Variants in NRIP3 observed in about 807,000 individuals in gnomAD.
NRIP3 encodes nuclear receptor-interacting protein 3.
Under a neutral mutation model 29.0 loss-of-function variants are expected in NRIP3, and 31 were observed. The observed-to-expected ratio is 1.07, with a 90% CI of 0.80 to 1.44. The LOEUF is 1.44. Ranked by LOEUF, NRIP3 falls within the 40% of genes most tolerant of loss-of-function variation. The probability of loss-of-function intolerance (pLI) is 0.00; values close to 1 mark genes in which losing one functional copy is unlikely to be tolerated. For synonymous variants in NRIP3, 131 were observed against 118.3 expected (o/e 1.11, Z -0.70); for missense variants, 314 against 297.9 (o/e 1.05, Z -0.40).
chr11:9,003,726 G>A (rs1338155524), intron 1 of NRIP3, 36 bp downstream of exon 1: 3 of 1,371,036 alleles, frequency 2.2e-6, no homozygotes, highest in South Asian at 3.3e-5. Flanking sequence ...GCGCGAAGCC[G>A]CCGGGGCCGG....
rs541912797 is a variant in NRIP3 at position 8,998,626 on chromosome 11, C to A, written c.174+5136G>T. On this transcript the variant is annotated intron_variant, in intron 1 of 6. Coordinates refer to ENST00000309166, the MANE Select transcript of NRIP3 (RefSeq NM_020645.3). ...TCACATCAGGTTAGAGAAATCACTT[C>A]TTCCGCTGGACTCCTCTGGCACATC... 4.6e-5 allele frequency among the ~76,000 whole-genome samples: 7 copies of A among 152,270 alleles called. No homozygotes were observed. The South Asian group carries it at 1.5e-3, about 32-fold the overall frequency.
chr11:8,991,260 C>G (rs1162924339), intron 1 of NRIP3, among the ~76,000 whole-genome samples: 2 of 152,180 alleles, frequency 1.3e-5, no homozygotes, highest in African/African-American at 4.8e-5. Context: ...GAGATCGCGC[C>G]ACTGCACTCC....
At chr11:9,001,265 C>G (rs943250291) in intron 1 of NRIP3, among the ~76,000 whole-genome samples, 1 of 152,298 alleles carries the variant, frequency 6.6e-6, no homozygotes, top group East Asian at 1.9e-4. Flanking sequence ...GCCAAGAGAA[C>G]ATGACCCCCT....
Position 8,980,726 on chromosome 11 carries a change from G to A in NRIP3, c.*2819C>T, listed in dbSNP as rs969677319. 6 of 152,188 alleles carry A rather than the reference G, an allele frequency of 3.9e-5. No homozygotes were observed. Among genetic ancestry groups the A allele is most frequent in the Admixed American group, 1.3e-4 (2 of 15,280 alleles). 9.4% of individuals were successfully genotyped at this position (152,188 alleles called of 1,614,324 possible). On this transcript the variant is annotated 3_prime_UTR_variant, in exon 7 of 7. Coordinates refer to ENST00000309166, the MANE Select transcript of NRIP3 (RefSeq NM_020645.3). Reference sequence around the variant, plus strand: ...TTCGTCTCCTCCACGTCCCCAGCCTGGCAATATATTTCTATTACACAAGAG... The same window carrying A: ...TTCGTCTCCTCCACGTCCCCAGCCTAGCAATATATTTCTATTACACAAGAG...
intron 1 of NRIP3, among the ~76,000 whole-genome samples, chr11:8,995,064 G>T (rs1413529180): frequency 6.8e-6 from 1 of 146,336 alleles, no homozygotes; most frequent in Admixed American, 6.8e-5. Context: ...ATCTCGGTGG[G>T]TGAAATTCTG....
chr11:8,996,628 C>T (rs1854711934), intron 1 of NRIP3, among the ~76,000 whole-genome samples: 1 of 152,140 alleles, frequency 6.6e-6, no homozygotes, highest in Non-Finnish European at 1.5e-5. Context: ...TTTCAGAATC[C>T]CTTCAATACT....
Position 9,002,272 on chromosome 11 carries a change from A to G in NRIP3, c.174+1490T>C, listed in dbSNP as rs531532200. On this transcript the variant is annotated intron_variant, in intron 1 of 6. Transcript: ENST00000309166. ...GATAGGATTATTTGGCCTGAAGGAA[A>G]GAATACTTCTCGAACCTGATTTGTT... Among the ~76,000 whole-genome samples, 7 of 152,332 alleles carry G rather than the reference A, an allele frequency of 4.6e-5. No individual in the cohort carries two copies. In the South Asian group the frequency reaches 8.3e-4, roughly 18 times the overall value.
Position 9,003,926 on chromosome 11 carries a change from A to G in NRIP3, c.10T>C (p.Ser4Pro). 1 of 1,499,410 alleles carries G rather than the reference A, an allele frequency of 6.7e-7. No homozygotes were observed. The highest frequency in any genetic ancestry group is 8.9e-7 in the Non-Finnish European group (1 of 1,123,456). 92.9% of individuals were successfully genotyped at this position (1,499,410 alleles called of 1,614,324 possible). The change falls in exon 1 of 7, where the codon TCA becomes CCA. Residue 4 changes from serine (S) to proline (P), a missense_variant. Physicochemically the swap from Ser to Pro is moderately conservative, Grantham distance 74 (BLOSUM62 -1). Transcript: ENST00000309166. MFYSGLLTEGGRKE... is the reference protein window; with the variant it reads MFYPGLLTEGGRKE... ...CGGCCGCCCTCAGTGAGGAGCCCTG[A>G]GTAAAACATCGCTGAGGCGCCGGCG...
Position 9,003,946 on chromosome 11 carries a change from CCGG to C in NRIP3, c.-14_-12del. On this transcript the variant is annotated 5_prime_UTR_variant, in exon 1 of 7. Transcript: ENST00000309166. ...CCCTGAGTAAAACATCGCTGAGGCG[CCGG>C]CGGCCCGGTAGCCCACAGCCCCCCG... The C allele has an allele frequency of 6.8e-7, 1 of 1,480,914 alleles. No individual in the cohort carries two copies. The highest frequency in any genetic ancestry group is 9.0e-7 in the Non-Finnish European group (1 of 1,111,886). The allele number at this position is 1,480,914 out of a possible 1,614,324, so 91.7% of individuals were successfully genotyped here.
chr11:8,996,275 CTTTTTTTTTTT>C (rs386373056), intron 1 of NRIP3, among the ~76,000 whole-genome samples: 2 of 82,944 alleles, frequency 2.4e-5, no homozygotes, highest in African/African-American at 4.9e-5. Context: ...CCTTTTTTTC[CTTTTTTTTTTT>C]TTTTTTTTTT....
chr11:9,003,429 G>A (rs1416643345), intron 1 of NRIP3, among the ~76,000 whole-genome samples: 1 of 152,188 alleles, frequency 6.6e-6, no homozygotes, highest in African/African-American at 2.4e-5. Flanking sequence ...GGAGGCACAA[G>A]CCCCGTGAAC....
At chr11:8,993,523 T>G (rs1824646209) in intron 1 of NRIP3, among the ~76,000 whole-genome samples, 1 of 151,952 alleles carries the variant, frequency 6.6e-6, no homozygotes. Flanking sequence ...TAATAGAAAA[T>G]CAGGGCTGGG....
chr11:8,987,903 T>C lies in NRIP3; in HGVS notation c.339+215A>G, dbSNP rs554947663. Among the ~76,000 whole-genome samples, 7 of 152,326 alleles carry C rather than the reference T, an allele frequency of 4.6e-5. No individual in the cohort carries two copies. In the South Asian group the frequency reaches 1.5e-3, roughly 32 times the overall value. On this transcript the variant is annotated intron_variant, in intron 2 of 6. Transcript: ENST00000309166. Reference sequence around the variant, plus strand: ...CTTAATCTTTTTTAAAAAAATCACATACCCATTTGTAAATCTGATGAAAGC... The same window carrying C: ...CTTAATCTTTTTTAAAAAAATCACACACCCATTTGTAAATCTGATGAAAGC...
intron 1 of NRIP3, among the ~76,000 whole-genome samples, chr11:9,001,610 G>C (rs1381152040): frequency 6.6e-6 from 1 of 152,178 alleles, no homozygotes; most frequent in Non-Finnish European, 1.5e-5. Context: ...CTTGCAGTGA[G>C]AGAAAATTGA....
chr11:8,999,610 A>G (rs1298356626), intron 1 of NRIP3, among the ~76,000 whole-genome samples: 2 of 152,204 alleles, frequency 1.3e-5, no homozygotes, highest in Non-Finnish European at 2.9e-5. Flanking sequence ...TGCCTGCACA[A>G]TGGCCTCCTA....
rs1052746207 is a variant in NRIP3 at position 8,982,539 on chromosome 11, T to C, written c.*1006A>G. On this transcript the variant is annotated 3_prime_UTR_variant, in exon 7 of 7. Coordinates refer to ENST00000309166, the MANE Select transcript of NRIP3 (RefSeq NM_020645.3). Reference sequence around the variant, plus strand: ...AGGATGGGCAGAAATGCTGATCGGATCTTGGGAGTAATCAACGTCTGACAG... The same window carrying C: ...AGGATGGGCAGAAATGCTGATCGGACCTTGGGAGTAATCAACGTCTGACAG... 2 of 160,126 alleles carry C rather than the reference T, an allele frequency of 1.2e-5. No individual in the cohort carries two copies. Among genetic ancestry groups the C allele is most frequent in the African/African-American group, 4.8e-5 (2 of 41,506 alleles). The allele number at this position is 160,126 out of a possible 1,614,324, so 9.9% of individuals were successfully genotyped here. A position where few individuals can be genotyped will look rare whatever the true frequency, so the allele number is the denominator to read the frequency against.
At chr11:8,984,227 A>G in intron 4 of NRIP3, 103 bp from the exon 5 acceptor site, 3 of 742,812 alleles carry the variant, frequency 4.0e-6, no homozygotes, top group Non-Finnish European at 7.1e-6. Context: ...ATAACATCCA[A>G]TAAACATATA....
At chr11:9,003,462 G>T (rs566250015) in intron 1 of NRIP3, among the ~76,000 whole-genome samples, 1 of 152,332 alleles carries the variant, frequency 6.6e-6, no homozygotes, top group South Asian at 2.1e-4. Context: ...TAAGAATAAG[G>T]AAAAAGAAAG....
chr11:8,988,250 C>T lies in NRIP3; in HGVS notation c.207G>A (p.Met69Ile), dbSNP rs757895837. 1.7e-5 allele frequency: 28 copies of T among 1,614,126 alleles called. No individual in the cohort carries two copies. Among genetic ancestry groups the T allele is most frequent in the Non-Finnish European group, 2.4e-5 (28 of 1,180,000 alleles). The change falls in exon 2 of 7, where the codon ATG (methionine) becomes ATA (isoleucine). Residue 69 changes from methionine to isoleucine, a missense_variant. Met to Ile is a conservative substitution (Grantham distance 10, BLOSUM62 1). Transcript: ENST00000309166. ...QPHNILQRRLMETNLSKLRSG... is the reference protein window; with the variant it reads ...QPHNILQRRLIETNLSKLRSG... Reference sequence around the variant, plus strand: ...TTCGGAGCTTAGACAGGTTGGTTTCCATGAGGCGCCTCTGCAGAATATTAT... The same window carrying T: ...TTCGGAGCTTAGACAGGTTGGTTTCTATGAGGCGCCTCTGCAGAATATTAT...
Sources: gnomAD v4.1 joint callset for allele counts (sites outside exome capture counted in the v4.1 genomes callset) on GRCh38, gnomAD v4.1.1 for gene constraint, MANE v1.5 for transcripts, NCBI Gene and HGNC (gene_info 2026-07-23, HGNC 2026-07-21) for gene names.